The following CACNA1D variants were observed in gnomAD, a reference collection of about 807,000 sequenced individuals.
CACNA1D encodes the protein calcium voltage-gated channel subunit alpha1 D.
In CACNA1D, 55 loss-of-function variants were observed where a neutral mutation model predicts 257.1. That is an observed-to-expected ratio of 0.21 (90% confidence interval 0.17 to 0.27). The LOEUF (loss-of-function observed/expected upper bound fraction) is 0.27, where lower values mean the gene tolerates loss of function less well. CACNA1D is among the 10% of genes least tolerant of loss of function. The pLI is 1.00. For missense variants in CACNA1D, 1,876 were observed against 2,784.0 expected, an observed-to-expected ratio of 0.67 and a Z score of 7.34; for synonymous variants, 980 against 1,014.9, an observed-to-expected ratio of 0.97 and a Z score of 0.65.
intron 3 of CACNA1D, among the ~76,000 whole-genome samples, chr3:53,534,697 G>A (rs1328896852): frequency 2.0e-5 from 3 of 152,102 alleles, no homozygotes; most frequent in Non-Finnish European, 2.9e-5. Context: ...ACATTCACAT[G>A]CTCACTATTT....
rs1479704711 is a variant in CACNA1D, at chr3:53,497,190, G to C, written c.106G>C (p.Gly36Arg). 6.2e-7 allele frequency: 1 copy of C among 1,614,042 alleles called. No individual in the cohort carries two copies. Among genetic ancestry groups the C allele is most frequent in the East Asian group, 2.2e-5 (1 of 44,880 alleles). Residue 36 changes from glycine to arginine, a missense_variant, in exon 2 of 48, where the codon GGT becomes CGT. Physicochemically the swap from Gly to Arg is moderately radical, Grantham distance 125. This residue lies in a region of CACNA1D where 143 missense variants were observed against 168.7 expected (regional missense o/e 0.85). Transcript: ENST00000350061. ...AAGAGGCACCAGACTTCCTCTTTCT[G>C]GTGAAGGACCAACTTCTCAGCCGAA... is the stretch of plus-strand genomic sequence containing the variant. ...YARGTRLPLS[G>R]EGPTSQPNSS...
At chr3:53,735,250 A>T (rs987734268) in intron 19 of CACNA1D, 124 bp from the exon 20 acceptor site, 6 of 945,260 alleles carry the variant, frequency 6.3e-6, no homozygotes, top group African/African-American at 3.2e-5. Context: ...GGCAGGGTGC[A>T]TGGGCAGCAC....
At chr3:53,646,040 T>A (rs1474543067) in intron 3 of CACNA1D, among the ~76,000 whole-genome samples, 1 of 152,212 alleles carries the variant, frequency 6.6e-6, no homozygotes, top group Non-Finnish European at 1.5e-5. Context: ...TGCTTATTCA[T>A]CTAAAGAGGG....
At chr3:53,749,735 T>A (rs780433059) in intron 27 of CACNA1D, among the ~76,000 whole-genome samples, 1 of 152,214 alleles carries the variant, frequency 6.6e-6, no homozygotes, top group South Asian at 2.1e-4. Flanking sequence ...CCACCTGCCA[T>A]GGTCATGACC....
intron 20 of CACNA1D, 68 bp downstream of exon 20, chr3:53,735,571 G>GA: frequency 2.5e-6 from 4 of 1,574,274 alleles, no homozygotes; most frequent in Non-Finnish European, 3.5e-6. Context: ...CCACTGTAGA[G>GA]ATGGGAGCTG....
chr3:53,794,119 T>C (rs2106683230), intron 40 of CACNA1D, among the ~76,000 whole-genome samples: 1 of 152,308 alleles, frequency 6.6e-6, no homozygotes, highest in South Asian at 2.1e-4. Flanking sequence ...TCTCATTCCT[T>C]TGAGAATAAT....
At chr3:53,624,691 A>T (rs567309383) in intron 3 of CACNA1D, among the ~76,000 whole-genome samples, 1 of 152,218 alleles carries the variant, frequency 6.6e-6, no homozygotes, top group African/African-American at 2.4e-5. Context: ...AATTCTGTTT[A>T]TATGACGCAC....
intron 39 of CACNA1D, among the ~76,000 whole-genome samples, chr3:53,783,984 C>T (rs2095439730): frequency 6.6e-6 from 1 of 152,200 alleles, no homozygotes; most frequent in South Asian, 2.1e-4. Flanking sequence ...CCTTTTAGCC[C>T]TGGTGATAGA....
At chr3:53,558,670 A>C (rs1404537039) in intron 3 of CACNA1D, among the ~76,000 whole-genome samples, 1 of 152,160 alleles carries the variant, frequency 6.6e-6, no homozygotes, top group Non-Finnish European at 1.5e-5. Flanking sequence ...TTCTTTCAGC[A>C]CTTTATCAGA....
At chr3:53,552,593 C>T (rs1452566036) in intron 3 of CACNA1D, among the ~76,000 whole-genome samples, 1 of 152,148 alleles carries the variant, frequency 6.6e-6, no homozygotes, top group African/African-American at 2.4e-5. Context: ...GATGGCCAGG[C>T]TGGTCTCAAA....
intron 3 of CACNA1D, among the ~76,000 whole-genome samples, chr3:53,511,629 G>A (rs2091115811): frequency 6.6e-6 from 1 of 152,118 alleles, no homozygotes; most frequent in South Asian, 2.1e-4. Flanking sequence ...GAAAATGGAA[G>A]TACTTCTCAT....
At chr3:53,588,056 G>A (rs1017234941) in intron 3 of CACNA1D, among the ~76,000 whole-genome samples, 1 of 152,168 alleles carries the variant, frequency 6.6e-6, no homozygotes, top group Non-Finnish European at 1.5e-5. Context: ...TCAAATTTTA[G>A]ATGAATTCTT....
chr3:53,810,758 C>CAAAAAAAAAAAAAAAAAA (rs71074934), intron 47 of CACNA1D, among the ~76,000 whole-genome samples: 89 of 68,288 alleles, frequency 1.3e-3, no homozygotes, highest in East Asian at 3.8e-3. Context: ...ACTCTTGTCT[C>CAAAAAAAAAAAAAAAAAA]AAAAAAAAAA....
intron 3 of CACNA1D, among the ~76,000 whole-genome samples, chr3:53,533,362 G>A (rs577816657): frequency 3.3e-5 from 5 of 152,088 alleles, no homozygotes; most frequent in Non-Finnish European, 7.4e-5. Flanking sequence ...AGGGCCATTC[G>A]GCAAATGGGA....
intron 7 of CACNA1D, among the ~76,000 whole-genome samples, chr3:53,671,950 G>A (rs569629968): frequency 1.3e-5 from 2 of 152,306 alleles, no homozygotes; most frequent in East Asian, 3.9e-4. Context: ...GTTGTGGCAG[G>A]GTCATACCTT....
At chr3:53,784,150 C>G (rs1170471091) in intron 39 of CACNA1D, among the ~76,000 whole-genome samples, 1 of 152,172 alleles carries the variant, frequency 6.6e-6, no homozygotes, top group Non-Finnish European at 1.5e-5. Flanking sequence ...GTCTCCGCTG[C>G]CCCCTCACCA....
chr3:53,503,231 G>A (rs886155037), intron 3 of CACNA1D, among the ~76,000 whole-genome samples: 1 of 152,090 alleles, frequency 6.6e-6, no homozygotes, highest in African/African-American at 2.4e-5. Context: ...AATGGGAGTC[G>A]GATAACCACA....
chr3:53,569,924 G>C (rs75417659), intron 3 of CACNA1D, among the ~76,000 whole-genome samples: 8,140 of 152,218 alleles, frequency 0.053, 701 homozygotes, highest in African/African-American at 0.18. Context: ...GAAATTACAT[G>C]CTGAATATAT....
chr3:53,512,545 A>G (rs1375205506), intron 3 of CACNA1D, among the ~76,000 whole-genome samples: 1 of 152,204 alleles, frequency 6.6e-6, no homozygotes, highest in Non-Finnish European at 1.5e-5. Flanking sequence ...TTCCTTTTTC[A>G]GACCCGCCAG....
Sources: allele counts gnomAD v4.1 joint callset (sites outside exome capture counted in the v4.1 genomes callset), GRCh38; gene constraint gnomAD v4.1.1; regional missense constraint gnomAD v4.1.1; transcripts MANE v1.5; gene names NCBI Gene and HGNC (gene_info 2026-07-23, HGNC 2026-07-21).